The following UBE2V1 variants were observed in gnomAD, a reference collection of about 807,000 sequenced individuals.
The protein encoded by UBE2V1 is ubiquitin conjugating enzyme E2 V1, also known as ubiquitin-conjugating enzyme E2 variant 1.
Under a neutral mutation model 19.6 loss-of-function variants are expected in UBE2V1, and 15 were observed. The ratio of observed to expected loss-of-function variants is 0.77; its 90% CI spans 0.51 to 1.18. UBE2V1 has a LOEUF of 1.18. Ranked by LOEUF, UBE2V1 falls within the 50% of genes most tolerant of loss-of-function variation. The pLI is 0.00. For missense variants in UBE2V1, 125 were observed against 184.8 expected, an observed-to-expected ratio of 0.68 and a Z score of 1.88; for synonymous variants, 60 against 60.7, an observed-to-expected ratio of 0.99 and a Z score of 0.05.
At chr20:50,085,343 C>T (rs181670027) in intron 2 of UBE2V1, among the ~76,000 whole-genome samples, 307 of 152,242 alleles carry the variant, frequency 2.0e-3, no homozygotes, top group Middle Eastern at 3.4e-3. Context: ...CTTGGAGCGT[C>T]CTGCCCCCAC....
At chr20:50,090,812 ACAAGGT>A (rs746765027) in intron 2 of UBE2V1, among the ~76,000 whole-genome samples, 8 of 152,238 alleles carry the variant, frequency 5.3e-5, no homozygotes, top group Non-Finnish European at 1.0e-4. Flanking sequence ...CCACAGACAC[ACAAGGT>A]AGCTACACGT....
At chr20:50,088,634 A>G (rs1349851469) in intron 2 of UBE2V1, among the ~76,000 whole-genome samples, 1 of 152,088 alleles carries the variant, frequency 6.6e-6, no homozygotes, top group Admixed American at 6.5e-5. Context: ...AAAAGTAAAA[A>G]AAAATTAGCC....
intron 2 of UBE2V1, chr20:50,084,814 CT>C (rs768489912): frequency 0.1 from 16,313 of 159,056 alleles, no homozygotes; most frequent in Middle Eastern, 0.31. Context: ...TCCCTGCAGT[CT>C]TTTTTTTTTT....
intron 2 of UBE2V1, among the ~76,000 whole-genome samples, chr20:50,089,838 A>G (rs2079121335): frequency 6.6e-6 from 1 of 152,222 alleles, no homozygotes; most frequent in Non-Finnish European, 1.5e-5. Context: ...CATGATCCTA[A>G]TAGAAAATAA....
intron 1 of UBE2V1, chr20:50,099,111 T>A: frequency 3.5e-6 from 1 of 289,370 alleles, no homozygotes; most frequent in South Asian, 1.3e-4. Flanking sequence ...TACTACTGGT[T>A]AATTTACAAG....
chr20:50,113,095 G>GC lies in UBE2V1; in HGVS notation c.22+11dup. 1 of 1,277,538 alleles carries GC rather than the reference G, an allele frequency of 7.8e-7. No individual in the cohort carries two copies. Among genetic ancestry groups the GC allele is most frequent in the Non-Finnish European group, 1.0e-6 (1 of 980,824 alleles). The allele number at this position is 1,277,538 out of a possible 1,614,324, so 79.1% of individuals were successfully genotyped here. ...GCCCCCTCGGCCGGCCGGGCCCGGCGCCCCCGCTCACCCGAGCCCGTGGTG... is the reference window on the plus strand; with the variant it reads ...GCCCCCTCGGCCGGCCGGGCCCGGCGCCCCCCGCTCACCCGAGCCCGTGGTG... On this transcript the variant is annotated intron_variant, in intron 1 of 3. Coordinates refer to ENST00000371674, the MANE Select transcript of UBE2V1 (RefSeq NM_001032288.3).
In UBE2V1 at chr20:50,082,885, T is replaced by G. The variant is rs2078701548; in HGVS notation, c.327A>C (p.Ala109=). 3.1e-6 allele frequency: 5 copies of G among 1,610,674 alleles called. No homozygotes were observed. Among genetic ancestry groups the G allele is most frequent in the Non-Finnish European group, 3.4e-6 (4 of 1,179,846 alleles). Residue 109 remains alanine (A), a synonymous_variant, in exon 4 of 4, where the codon GCA becomes GCC. Transcript: ENST00000371674. ...VVDPRAISVL[A]KWQNSYSIKV... is the part of the protein sequence containing the mutation. Reference sequence around the variant, plus strand: ...TGATGCTATATGAATTCTGCCATTTTGCTAGCACTGATATGGCTCTTGGGT... The same window carrying G: ...TGATGCTATATGAATTCTGCCATTTGGCTAGCACTGATATGGCTCTTGGGT...
intron 2 of UBE2V1, among the ~76,000 whole-genome samples, chr20:50,087,565 T>C (rs1047470031): frequency 5.3e-5 from 8 of 152,190 alleles, no homozygotes; most frequent in African/African-American, 1.9e-4. Flanking sequence ...TGAGAAATAC[T>C]GCTCTTAAGA....
chr20:50,109,217 G>A, intron 1 of UBE2V1: 1 of 829,384 alleles, frequency 1.2e-6, no homozygotes, highest in Non-Finnish European at 1.5e-6. Flanking sequence ...CATTTACTTT[G>A]CCAAATGTGC....
intron 1 of UBE2V1, among the ~76,000 whole-genome samples, chr20:50,101,908 G>C (rs1195252343): frequency 2.6e-5 from 4 of 152,204 alleles, no homozygotes; most frequent in African/African-American, 4.8e-5. Flanking sequence ...CTTAGCCTTT[G>C]AGGGCTCACA....
intron 1 of UBE2V1, chr20:50,111,665 A>C (rs1383636415): frequency 1.2e-6 from 1 of 857,582 alleles, no homozygotes; most frequent in African/African-American, 1.8e-5. Flanking sequence ...GGGTCACTTC[A>C]GTCAGATCCC....
At chr20:50,092,655 G>A (rs2079313019) in intron 2 of UBE2V1, among the ~76,000 whole-genome samples, 1 of 152,178 alleles carries the variant, frequency 6.6e-6, no homozygotes, top group Non-Finnish European at 1.5e-5. Flanking sequence ...CATGTCTAAC[G>A]CTGTGGACAG....
intron 1 of UBE2V1, among the ~76,000 whole-genome samples, chr20:50,110,615 CT>C (rs2080690650): frequency 1.3e-5 from 2 of 152,216 alleles, no homozygotes; most frequent in African/African-American, 4.8e-5. Flanking sequence ...ACTCTTTTCA[CT>C]GCCTAGGGAC....
At chr20:50,103,562 C>T (rs976363606) in intron 1 of UBE2V1, among the ~76,000 whole-genome samples, 3 of 152,174 alleles carry the variant, frequency 2.0e-5, no homozygotes, top group Admixed American at 6.5e-5. Context: ...CCTGCCACCA[C>T]GCCCAGCTAA....
rs751003369 is a variant in UBE2V1, at chr20:50,088,217, T to C, written c.172-3963A>G. Among the ~76,000 whole-genome samples the C allele has an allele frequency of 2.6e-4, 40 of 152,050 alleles. No individual in the cohort carries two copies. The South Asian group carries it at 5.4e-3, about 21-fold the overall frequency. On this transcript the variant is annotated intron_variant, in intron 2 of 3. Transcript: ENST00000371674. Reference sequence around the variant, plus strand: ...AACAAGAAAAACCTGAGAAATGTCATTGCCACGAGGAGCCAGAGATATGAT... The same window carrying C: ...AACAAGAAAAACCTGAGAAATGTCACTGCCACGAGGAGCCAGAGATATGAT...
At chr20:50,108,833 G>C (rs1483698659) in intron 1 of UBE2V1, 2 of 678,178 alleles carry the variant, frequency 2.9e-6, no homozygotes, top group East Asian at 2.7e-4. Flanking sequence ...ACATAACCCA[G>C]AAGAGGACAA....
rs143990102 is a variant in UBE2V1, at chr20:50,089,924, C to T, written c.172-5670G>A. Among the ~76,000 whole-genome samples, 80 of 152,288 alleles carry T rather than the reference C, an allele frequency of 5.3e-4. No individual in the cohort carries two copies. In the East Asian group the frequency reaches 8.9e-3, roughly 17 times the overall value. On this transcript the variant is annotated intron_variant, in intron 2 of 3. Coordinates refer to ENST00000371674, the MANE Select transcript of UBE2V1 (RefSeq NM_001032288.3). ...TCACCCCAGTATGAGCCCCTTACCT[C>T]GGCAGCAAGAGCTGGTTCTGGGCTT...
chr20:50,100,161 G>A (rs2079893324), intron 1 of UBE2V1, among the ~76,000 whole-genome samples: 1 of 151,862 alleles, frequency 6.6e-6, no homozygotes, highest in Admixed American at 6.6e-5. Flanking sequence ...CACACCTGTA[G>A]TCCCAGCTGC....
intron 1 of UBE2V1, among the ~76,000 whole-genome samples, chr20:50,110,830 T>C (rs2080705459): frequency 6.6e-6 from 1 of 152,122 alleles, no homozygotes; most frequent in Non-Finnish European, 1.5e-5. Flanking sequence ...TATTTCAACA[T>C]GCCAAGCAGA....
Sources: allele counts gnomAD v4.1 joint callset (sites outside exome capture counted in the v4.1 genomes callset), GRCh38; gene constraint gnomAD v4.1.1; transcripts MANE v1.5; gene names NCBI Gene and HGNC (gene_info 2026-07-23, HGNC 2026-07-21).